ZCCHC17: variants seen among roughly 807,000 people sequenced by gnomAD.
ZCCHC17 encodes zinc finger CCHC-type containing 17.
ZCCHC17 carries 18 observed loss-of-function variants against 30.6 expected under a neutral mutation model. The ratio of observed to expected loss-of-function variants is 0.59; its 90% CI spans 0.41 to 0.87. The LOEUF (loss-of-function observed/expected upper bound fraction) is 0.87, where lower values mean the gene tolerates loss of function less well. Among genes scored for constraint, ZCCHC17 ranks in the 40% least tolerant of loss-of-function variants. The pLI is 0.00. For synonymous variants in ZCCHC17, 88 were observed against 92.4 expected (o/e 0.95, Z 0.27); for missense variants, 263 against 284.2 (o/e 0.93, Z 0.54).
At chr1:31,337,680 A>G (rs1312420599) in intron 4 of ZCCHC17, among the ~76,000 whole-genome samples, 1 of 152,158 alleles carries the variant, frequency 6.6e-6, no homozygotes, top group Non-Finnish European at 1.5e-5. Context: ...GTTTACAGTC[A>G]TTTTCCCTAA....
At chr1:31,310,218 G>T in intron 2 of ZCCHC17, 54 bp downstream of exon 2, 8 of 1,582,324 alleles carry the variant, frequency 5.1e-6, no homozygotes, top group Middle Eastern at 3.3e-4. Context: ...TAGATTAAGG[G>T]TGACAACTGG....
intron 3 of ZCCHC17, among the ~76,000 whole-genome samples, chr1:31,330,899 T>C (rs762386335): frequency 6.6e-6 from 1 of 152,200 alleles, no homozygotes; most frequent in Non-Finnish European, 1.5e-5. Context: ...ATGTTAACAA[T>C]GAAGTCTCTC....
intron 1 of ZCCHC17, among the ~76,000 whole-genome samples, chr1:31,303,891 C>T (rs1396481564): frequency 6.6e-6 from 1 of 152,224 alleles, no homozygotes; most frequent in Non-Finnish European, 1.5e-5. Context: ...ACTACCCATT[C>T]TGGGCTGCTC....
chr1:31,314,866 C>T (rs531467553), intron 2 of ZCCHC17, among the ~76,000 whole-genome samples: 1 of 152,230 alleles, frequency 6.6e-6, no homozygotes, highest in East Asian at 1.9e-4. Flanking sequence ...GGGTTTTCAC[C>T]ATGTTGACCA....
At chr1:31,297,547 A>AT (rs1278652795) in intron 1 of ZCCHC17, among the ~76,000 whole-genome samples, 8 of 152,190 alleles carry the variant, frequency 5.3e-5, no homozygotes. Flanking sequence ...GAACGTGGTC[A>AT]TTGCCTCAGT....
chr1:31,319,107 A>G lies in ZCCHC17; in HGVS notation c.67-2A>G. ...ATTGATTTTTTTCCCCCATCTTTAT[A>G]GGTTGCTATGGTGACAGACTATGGG... is the stretch of plus-strand genomic sequence containing the variant. On this transcript the variant is annotated splice_acceptor_variant, in intron 2 of 7. Coordinates refer to ENST00000344147, the MANE Select transcript of ZCCHC17 (RefSeq NM_016505.4). LOFTEE classifies it high-confidence loss of function. The G allele has an allele frequency of 6.2e-7, 1 of 1,607,188 alleles. No homozygotes were observed. The highest frequency in any genetic ancestry group is 8.5e-7 in the Non-Finnish European group (1 of 1,175,014).
intron 3 of ZCCHC17, among the ~76,000 whole-genome samples, chr1:31,326,224 G>A (rs994767820): frequency 2.6e-5 from 4 of 152,012 alleles, no homozygotes; most frequent in African/African-American, 9.7e-5. Flanking sequence ...AGTTGGTTTT[G>A]CTAAGGAAGG....
intron 1 of ZCCHC17, among the ~76,000 whole-genome samples, chr1:31,303,109 T>G (rs1345451750): frequency 6.7e-6 from 1 of 148,886 alleles, no homozygotes; most frequent in Admixed American, 6.6e-5. Flanking sequence ...AAATCCAGTC[T>G]CTACCCCCCC....
At chr1:31,318,187 T>G in intron 2 of ZCCHC17, 1 of 1,535,448 alleles carries the variant, frequency 6.5e-7, no homozygotes, top group Middle Eastern at 1.7e-4. Flanking sequence ...GCTGAAACAG[T>G]GCTCAAGATG....
In ZCCHC17 at chr1:31,317,541, A is replaced by G. The variant is rs550127710; in HGVS notation, c.67-1568A>G. Among the ~76,000 whole-genome samples the G allele has an allele frequency of 2.0e-5, 3 of 152,364 alleles. No homozygotes were observed. In the East Asian group the frequency reaches 5.8e-4, roughly 29 times the overall value. On this transcript the variant is annotated intron_variant, in intron 2 of 7. Transcript: ENST00000344147. ...GGCCCTGAAAGGCAAGTTGTGTGCA[A>G]GATCCTACAGGTGGGAAATGGCAGA...
chr1:31,336,822 G>T (rs1040208202), intron 3 of ZCCHC17, among the ~76,000 whole-genome samples: 2 of 121,818 alleles, frequency 1.6e-5, no homozygotes, highest in African/African-American at 3.3e-5. Context: ...GTGCCACCAT[G>T]CCTGGCCAGG....
At chr1:31,361,799 T>G (rs1639909757) in intron 7 of ZCCHC17, among the ~76,000 whole-genome samples, 2 of 147,910 alleles carry the variant, frequency 1.4e-5, no homozygotes, top group Admixed American at 1.3e-4. Flanking sequence ...ATTTATTTAT[T>G]TATTTATTTA....
intron 5 of ZCCHC17, among the ~76,000 whole-genome samples, chr1:31,340,620 G>A (rs765403404): frequency 6.6e-6 from 1 of 152,168 alleles, no homozygotes; most frequent in Admixed American, 6.6e-5. Flanking sequence ...CCCGGCCCTT[G>A]GAGGGTTTAT....
At chr1:31,299,185 A>T (rs1646244588) in intron 1 of ZCCHC17, among the ~76,000 whole-genome samples, 1 of 152,118 alleles carries the variant, frequency 6.6e-6, no homozygotes, top group Non-Finnish European at 1.5e-5. Flanking sequence ...GGAGGAGAGG[A>T]TGTGCTAACC....
intron 7 of ZCCHC17, among the ~76,000 whole-genome samples, 184 bp from the exon 8 acceptor site, chr1:31,363,848 A>G (rs1640024969): frequency 6.6e-6 from 1 of 152,074 alleles, no homozygotes; most frequent in South Asian, 2.1e-4. Flanking sequence ...CTCTTTTTAG[A>G]GATGAGATCT....
intron 5 of ZCCHC17, among the ~76,000 whole-genome samples, chr1:31,340,475 G>C (rs1326350679): frequency 1.3e-5 from 2 of 152,018 alleles, no homozygotes; most frequent in African/African-American, 4.8e-5. Flanking sequence ...GTGCCACCAT[G>C]CCCGGCTAAT....
chr1:31,312,990 C>G (rs772101686), intron 2 of ZCCHC17, among the ~76,000 whole-genome samples: 2 of 151,828 alleles, frequency 1.3e-5, no homozygotes, highest in African/African-American at 2.4e-5. Context: ...CCAGGCTAGT[C>G]TCCTGACCTC....
rs567061262 is a variant in ZCCHC17, at chr1:31,322,509, G to A, written c.124+3343G>A. On this transcript the variant is annotated intron_variant, in intron 3 of 7. Transcript: ENST00000344147. ...AAGTACACAGGGTGAGACCCAAAGTGTTCCGAGTACAAAGCCTCTGTCCCC... is the reference window on the plus strand; with the variant it reads ...AAGTACACAGGGTGAGACCCAAAGTATTCCGAGTACAAAGCCTCTGTCCCC... Among the ~76,000 whole-genome samples, 38 of 152,326 alleles carry A rather than the reference G, an allele frequency of 2.5e-4. No individual in the cohort carries two copies. The South Asian group carries it at 7.0e-3, about 28-fold the overall frequency.
chr1:31,326,270 T>C (rs1156603681), intron 3 of ZCCHC17, among the ~76,000 whole-genome samples: 1 of 152,090 alleles, frequency 6.6e-6, no homozygotes, highest in Non-Finnish European at 1.5e-5. Context: ...CTTCTGGAAA[T>C]TTTTTTTAAG....
Sources: allele counts gnomAD v4.1 joint callset (sites outside exome capture counted in the v4.1 genomes callset), GRCh38; gene constraint gnomAD v4.1.1; transcripts MANE v1.5; gene names NCBI Gene and HGNC (gene_info 2026-07-23, HGNC 2026-07-21).